The following CDH13 variants were observed in gnomAD, a reference collection of about 807,000 sequenced individuals.
CDH13 encodes cadherin-13.
A neutral mutation model predicts 63.8 loss-of-function variants in CDH13; 24 were observed. The observed-to-expected ratio is 0.38, with a 90% CI of 0.27 to 0.53. The LOEUF (loss-of-function observed/expected upper bound fraction) is 0.53. Among genes scored for constraint, CDH13 ranks in the 20% least tolerant of loss-of-function variants. CDH13 has a pLI of 0.85. For missense variants in CDH13, 1,049 were observed against 903.1 expected, an observed-to-expected ratio of 1.16 and a Z score of -2.07; for synonymous variants, 503 against 355.3, an observed-to-expected ratio of 1.42 and a Z score of -4.67.
At chr16:82,803,180 C>CA (rs1478088803) in intron 1 of CDH13, among the ~76,000 whole-genome samples, 2 of 152,180 alleles carry the variant, frequency 1.3e-5, no homozygotes, top group African/African-American at 4.8e-5. Flanking sequence ...AGGCTACTCT[C>CA]AGCTTACCTA....
chr16:83,626,228 T>C (rs912287323), intron 8 of CDH13, among the ~76,000 whole-genome samples: 2 of 152,276 alleles, frequency 1.3e-5, no homozygotes, highest in Non-Finnish European at 2.9e-5. Context: ...CGGTTTCATC[T>C]TCCTCCTCGT....
At chr16:83,250,800 C>T (rs8053948) in intron 5 of CDH13, among the ~76,000 whole-genome samples, 37,359 of 152,130 alleles carry the variant, frequency 0.25, 4,971 homozygotes, top group South Asian at 0.37. Context: ...AGGATACAGA[C>T]TTTCCCATCT....
intron 5 of CDH13, among the ~76,000 whole-genome samples, chr16:83,219,374 C>T (rs1450857255): frequency 2.0e-5 from 3 of 152,192 alleles, no homozygotes; most frequent in Admixed American, 1.3e-4. Context: ...TGCACACAGC[C>T]AGATTGGCTG....
chr16:83,538,797 T>C (rs2075244648), intron 7 of CDH13, among the ~76,000 whole-genome samples: 1 of 152,212 alleles, frequency 6.6e-6, no homozygotes, highest in African/African-American at 2.4e-5. Flanking sequence ...GAATAACCCA[T>C]GTACAAGTAT....
At chr16:82,720,652 AG>A (rs2032712298) in intron 1 of CDH13, among the ~76,000 whole-genome samples, 1 of 151,806 alleles carries the variant, frequency 6.6e-6, no homozygotes, top group Admixed American at 6.6e-5. Context: ...CTCCACACAC[AG>A]GGTGGTCTGG....
intron 5 of CDH13, among the ~76,000 whole-genome samples, chr16:83,253,502 C>T (rs1905840167): frequency 6.6e-6 from 1 of 152,204 alleles, no homozygotes; most frequent in Admixed American, 6.5e-5. Context: ...ATACCTGTGC[C>T]TTCTGCCATT....
chr16:82,966,359 G>A lies in CDH13; in HGVS notation c.158-65651G>A, dbSNP rs570475313. 4.6e-5 allele frequency among the ~76,000 whole-genome samples: 7 copies of A among 152,100 alleles called. No individual in the cohort carries two copies. The East Asian group carries it at 1.4e-3, about 30-fold the overall frequency. On this transcript the variant is annotated intron_variant, in intron 2 of 13. Coordinates refer to ENST00000567109, the MANE Select transcript of CDH13 (RefSeq NM_001257.5). ...AGAGATGGGGTTTCACTGTTGGCTA[G>A]GATGGTCTCGATTTCCTGACCTCGT...
chr16:82,687,786 C>T (rs1915229418), intron 1 of CDH13, among the ~76,000 whole-genome samples: 2 of 152,120 alleles, frequency 1.3e-5, no homozygotes, highest in East Asian at 1.9e-4. Flanking sequence ...CTCATTCTAT[C>T]AAAGTTGGTA....
At chr16:83,787,435 G>A (rs373886009) in intron 13 of CDH13, among the ~76,000 whole-genome samples, 20 of 152,274 alleles carry the variant, frequency 1.3e-4, no homozygotes, top group South Asian at 6.2e-4. Context: ...GCTGAACCCC[G>A]CTCTGCTCCA....
At chr16:83,173,056 T>C (rs572954423) in intron 4 of CDH13, among the ~76,000 whole-genome samples, 1 of 152,262 alleles carries the variant, frequency 6.6e-6, no homozygotes, top group African/African-American at 2.4e-5. Flanking sequence ...TTGGCACTAA[T>C]GTGACTATTT....
intron 4 of CDH13, among the ~76,000 whole-genome samples, chr16:83,137,546 G>A (rs987086887): frequency 1.3e-5 from 2 of 152,238 alleles, no homozygotes; most frequent in Admixed American, 1.3e-4. Flanking sequence ...AAAAGCCACT[G>A]CCTCGCTTCA....
intron 2 of CDH13, among the ~76,000 whole-genome samples, chr16:82,949,388 C>T (rs897977619): frequency 2.6e-5 from 4 of 152,100 alleles, no homozygotes; most frequent in African/African-American, 7.2e-5. Context: ...GGAATAGGTC[C>T]ACTCTAACGG....
At chr16:82,838,067 C>T (rs4288987) in intron 1 of CDH13, among the ~76,000 whole-genome samples, 46,337 of 152,070 alleles carry the variant, frequency 0.3, 8,508 homozygotes, top group East Asian at 0.8. Flanking sequence ...CTCCCATCAC[C>T]CCGCAGATCC....
At chr16:83,273,074 G>A (rs940748599) in intron 5 of CDH13, among the ~76,000 whole-genome samples, 37 of 152,222 alleles carry the variant, frequency 2.4e-4, no homozygotes, top group Non-Finnish European at 3.1e-4. Flanking sequence ...GTTGTGGGGG[G>A]AAGCACCACA....
chr16:83,486,315 A>G (rs1259245059), intron 6 of CDH13, among the ~76,000 whole-genome samples, 162 bp from the exon 7 acceptor site: 2 of 152,234 alleles, frequency 1.3e-5, no homozygotes, highest in African/African-American at 2.4e-5. Context: ...GGAAAGGAGG[A>G]AGAAAAGCTG....
intron 10 of CDH13, among the ~76,000 whole-genome samples, chr16:83,708,199 G>A (rs986437530): frequency 2.0e-5 from 3 of 152,202 alleles, no homozygotes; most frequent in Admixed American, 1.3e-4. Flanking sequence ...CGACAAAAGC[G>A]TCCTTTTGCT....
At chr16:82,927,963 G>C (rs1193885611) in intron 2 of CDH13, among the ~76,000 whole-genome samples, 1 of 152,162 alleles carries the variant, frequency 6.6e-6, no homozygotes, top group East Asian at 1.9e-4. Flanking sequence ...TAGTTGGGGA[G>C]ATATATGGTT....
At chr16:83,648,398 G>A (rs1249407458) in intron 8 of CDH13, among the ~76,000 whole-genome samples, 1 of 152,126 alleles carries the variant, frequency 6.6e-6, no homozygotes, top group African/African-American at 2.4e-5. Context: ...GTAGCAAGAA[G>A]GTAAGGCTTC....
At chr16:83,433,730 C>A (rs9888906) in intron 6 of CDH13, among the ~76,000 whole-genome samples, 2 of 152,308 alleles carry the variant, frequency 1.3e-5, no homozygotes, top group South Asian at 4.1e-4. Context: ...ATGTAGATTC[C>A]TTGAATGTAC....
Sources: allele counts gnomAD v4.1 joint callset (sites outside exome capture counted in the v4.1 genomes callset), GRCh38; gene constraint gnomAD v4.1.1; transcripts MANE v1.5; gene names NCBI Gene and HGNC (gene_info 2026-07-23, HGNC 2026-07-21).